The following METTL15 variants were observed in gnomAD, a reference collection of about 807,000 sequenced individuals.
The protein encoded by METTL15 is methyltransferase 15, mitochondrial 12S rRNA N4-cytidine.
Under a neutral mutation model 38.3 loss-of-function variants are expected in METTL15, and 34 were observed. The ratio of observed to expected loss-of-function variants is 0.89; its 90% confidence interval spans 0.68 to 1.18. The LOEUF (loss-of-function observed/expected upper bound fraction) is 1.18, where lower values mean the gene tolerates loss of function less well. METTL15 is among the 50% of genes most tolerant of loss of function. METTL15 has a pLI of 0.00. For synonymous variants in METTL15, 162 were observed against 170.9 expected (o/e 0.95, Z 0.41); for missense variants, 438 against 498.4 (o/e 0.88, Z 1.15).
At chr11:28,431,005 A>G (rs1850921546) in intron 6 of METTL15, among the ~76,000 whole-genome samples, 2 of 72,268 alleles carry the variant, frequency 2.8e-5, no homozygotes, top group African/African-American at 4.1e-5. Context: ...CTGCCCGGCC[A>G]GCCGCCCTGT....
chr11:28,315,501 A>G (rs1427682329), intron 6 of METTL15, among the ~76,000 whole-genome samples: 1 of 152,222 alleles, frequency 6.6e-6, no homozygotes, highest in Non-Finnish European at 1.5e-5. Context: ...GCAGAGCATA[A>G]AAGTTTGGAT....
In METTL15 at chr11:28,199,025, T is replaced by C. The variant is rs1006995667; in HGVS notation, c.271-12037T>C. 4.0e-5 allele frequency among the ~76,000 whole-genome samples: 6 copies of C among 151,748 alleles called. No homozygotes were observed. In the East Asian group the frequency reaches 1.2e-3, roughly 29 times the overall value. ...GTCCAAATAAACTTGTCATACTAGC[T>C]CATCCCTCTCTTAACACTGACCTTA... On this transcript the variant is annotated intron_variant, in intron 3 of 6. Transcript: ENST00000407364.
In METTL15 at chr11:28,110,342, G is replaced by A. The variant is rs1374648787; in HGVS notation, c.-77G>A. 4 of 152,218 alleles carry A rather than the reference G, an allele frequency of 2.6e-5. No homozygotes were observed. The highest frequency in any genetic ancestry group is 5.9e-5 in the Non-Finnish European group (4 of 68,046). The allele number at this position is 152,218 out of a possible 1,614,324, so 9.4% of individuals were successfully genotyped here. ...CGCGCGGCGCATTCAGGTTCTCCTG[G>A]ACCGTAGTGGTAGTCGCTGGCCCGA... is the stretch of plus-strand genomic sequence containing the variant. On this transcript the variant is annotated 5_prime_UTR_variant, in exon 2 of 7. Transcript: ENST00000407364.
intron 6 of METTL15, among the ~76,000 whole-genome samples, chr11:28,305,174 T>C (rs2134015051): frequency 6.6e-6 from 1 of 152,268 alleles, no homozygotes; most frequent in East Asian, 1.9e-4. Context: ...AAAGACATTC[T>C]GTACATGAAC....
chr11:28,161,321 A>C (rs938416316), intron 3 of METTL15, among the ~76,000 whole-genome samples: 1 of 151,852 alleles, frequency 6.6e-6, no homozygotes, highest in Non-Finnish European at 1.5e-5. Context: ...AGGTTTCATC[A>C]TGTTGGCTAG....
chr11:28,271,451 A>G (rs922429914), intron 4 of METTL15, among the ~76,000 whole-genome samples: 1 of 152,124 alleles, frequency 6.6e-6, no homozygotes, highest in Non-Finnish European at 1.5e-5. Context: ...TAATATTCTC[A>G]ACCACACAAT....
intron 6 of METTL15, among the ~76,000 whole-genome samples, chr11:28,441,819 C>A (rs892933006): frequency 6.6e-6 from 1 of 152,122 alleles, no homozygotes; most frequent in Non-Finnish European, 1.5e-5. Flanking sequence ...GTACTTGGGG[C>A]CCTTCCAATC....
chr11:28,201,564 T>C (rs1852112648), intron 3 of METTL15, among the ~76,000 whole-genome samples: 1 of 143,304 alleles, frequency 7.0e-6, no homozygotes, highest in South Asian at 2.2e-4. Flanking sequence ...TCAGAGGCAG[T>C]TGGTCTGTTC....
chr11:28,221,932 A>C (rs1393197488), intron 4 of METTL15, among the ~76,000 whole-genome samples: 5 of 152,042 alleles, frequency 3.3e-5, no homozygotes, highest in African/African-American at 1.2e-4. Flanking sequence ...TCAGAGGGGT[A>C]CCTGGCCGTG....
intron 3 of METTL15, among the ~76,000 whole-genome samples, chr11:28,179,842 G>A (rs1851219330): frequency 6.6e-6 from 1 of 151,706 alleles, no homozygotes; most frequent in African/African-American, 2.4e-5. Flanking sequence ...TTATGAAGTG[G>A]TTGAATCTCT....
At chr11:28,379,498 T>G (rs974830405) in intron 5 of METTL15, among the ~76,000 whole-genome samples, 1 of 152,164 alleles carries the variant, frequency 6.6e-6, no homozygotes, top group Non-Finnish European at 1.5e-5. Flanking sequence ...TGTTTTATTT[T>G]CATGTGTTTG....
intron 6 of METTL15, among the ~76,000 whole-genome samples, chr11:28,430,130 C>T (rs199809619): frequency 5.4e-5 from 8 of 147,638 alleles, no homozygotes; most frequent in Admixed American, 1.4e-4. Context: ...GCAACCACCC[C>T]GTCTGAGAAG....
chr11:28,345,257 C>T (rs566990770), intron 3 of METTL15, among the ~76,000 whole-genome samples: 5 of 152,286 alleles, frequency 3.3e-5, no homozygotes, highest in Admixed American at 6.5e-5. Flanking sequence ...GACGTGATCT[C>T]GGCCTACTGC....
At chr11:28,310,152 T>G (rs1222898390) in intron 6 of METTL15, among the ~76,000 whole-genome samples, 2 of 152,082 alleles carry the variant, frequency 1.3e-5, no homozygotes, top group Non-Finnish European at 2.9e-5. Flanking sequence ...TAAATACTTC[T>G]CTCAAAATGT....
At chr11:28,393,144 G>T (rs958530286) in intron 5 of METTL15, among the ~76,000 whole-genome samples, 2 of 151,998 alleles carry the variant, frequency 1.3e-5, no homozygotes, top group African/African-American at 4.8e-5. Flanking sequence ...AAATAAAATT[G>T]CCATATGATC....
intron 5 of METTL15, among the ~76,000 whole-genome samples, chr11:28,364,194 A>G (rs895916919): frequency 4.6e-5 from 7 of 152,168 alleles, no homozygotes; most frequent in African/African-American, 9.7e-5. Context: ...AAACTTTACA[A>G]TATATTTTTC....
At chr11:28,193,767 A>G (rs1851787199) in intron 3 of METTL15, among the ~76,000 whole-genome samples, 1 of 152,102 alleles carries the variant, frequency 6.6e-6, no homozygotes, top group Non-Finnish European at 1.5e-5. Flanking sequence ...TGCTATAACT[A>G]TATCCCATGT....
chr11:28,337,036 A>ATG (rs1849907021), downstream of METTL15, among the ~76,000 whole-genome samples: 1 of 152,148 alleles, frequency 6.6e-6, no homozygotes, highest in Non-Finnish European at 1.5e-5. Flanking sequence ...ATCTAGGCTA[A>ATG]TGTGTGCATT....
At chr11:28,246,291 T>G (rs931270589) in intron 4 of METTL15, among the ~76,000 whole-genome samples, 1 of 152,212 alleles carries the variant, frequency 6.6e-6, no homozygotes, top group African/African-American at 2.4e-5. Flanking sequence ...CATATGTGTT[T>G]GAAAATATGT....
Sources: gnomAD v4.1 joint callset for allele counts (sites outside exome capture counted in the v4.1 genomes callset) on GRCh38, gnomAD v4.1.1 for gene constraint, MANE v1.5 for transcripts, NCBI Gene and HGNC (gene_info 2026-07-23, HGNC 2026-07-21) for gene names.